Variants in NLN observed in about 807,000 individuals in gnomAD.
NLN encodes the protein neurolysin, also known as neurolysin, mitochondrial.
NLN carries 64 observed loss-of-function variants against 79.9 expected under a neutral mutation model. The ratio of observed to expected loss-of-function variants is 0.80; its 90% confidence interval spans 0.65 to 0.99. The LOEUF is 0.99. NLN is among the 50% of genes least tolerant of loss of function. NLN has a pLI of 0.00. For missense variants in NLN, 835 were observed against 858.7 expected (o/e 0.97, Z 0.34); for synonymous variants, 267 against 296.6 (o/e 0.90, Z 1.02).
chr5:65,733,477 T>A, intron 1 of NLN: 1 of 1,382,040 alleles, frequency 7.2e-7, no homozygotes, highest in Non-Finnish European at 1.0e-6. Context: ...CCTTCCCATC[T>A]GGAGAGTCTT....
chr5:65,758,943 A>G (rs753694485), intron 2 of NLN, 117 bp downstream of exon 2: 57 of 906,216 alleles, frequency 6.3e-5, no homozygotes, highest in Non-Finnish European at 8.4e-5. Context: ...ATTATAATTA[A>G]TTGCTTAGAA....
At chr5:65,781,697 T>A (rs918483704) in intron 6 of NLN, among the ~76,000 whole-genome samples, 21 of 152,168 alleles carry the variant, frequency 1.4e-4, no homozygotes, top group African/African-American at 5.1e-4. Flanking sequence ...CCAGCACTGG[T>A]AAGTCCTGCT....
intron 9 of NLN, among the ~76,000 whole-genome samples, chr5:65,796,859 A>G (rs1760183400): frequency 6.6e-6 from 1 of 152,238 alleles, no homozygotes; most frequent in South Asian, 2.1e-4. Context: ...TATTCAGTAC[A>G]TTGGTTTTAA....
At chr5:65,738,960 T>C in intron 1 of NLN, among the ~76,000 whole-genome samples, 1 of 89,250 alleles carries the variant, frequency 1.1e-5, no homozygotes, top group East Asian at 2.5e-4. Flanking sequence ...TTTATATATA[T>C]GTATATATAA....
chr5:65,768,973 G>A (rs1278960243), intron 3 of NLN, among the ~76,000 whole-genome samples: 1 of 152,274 alleles, frequency 6.6e-6, no homozygotes, highest in African/African-American at 2.4e-5. Context: ...CCATAGCGCA[G>A]AGCGTCTCCA....
chr5:65,819,017 AG>A (rs1037222898), intron 12 of NLN: 1 of 152,208 alleles, frequency 6.6e-6, no homozygotes, highest in Non-Finnish European at 1.5e-5. Flanking sequence ...ATTACCTGAA[AG>A]GGTGCATATT....
chr5:65,776,176 C>G (rs1409387138), intron 3 of NLN, among the ~76,000 whole-genome samples: 1 of 152,210 alleles, frequency 6.6e-6, no homozygotes, highest in East Asian at 1.9e-4. Flanking sequence ...TTGCTTGAAC[C>G]TGGGAGGCGG....
At chr5:65,772,467 A>C (rs1291396479) in intron 3 of NLN, among the ~76,000 whole-genome samples, 1 of 152,224 alleles carries the variant, frequency 6.6e-6, no homozygotes, top group African/African-American at 2.4e-5. Context: ...ATATTGAATT[A>C]GTAGTCAGCA....
intron 3 of NLN, among the ~76,000 whole-genome samples, chr5:65,772,903 G>A (rs566175060): frequency 1.3e-5 from 2 of 149,096 alleles, no homozygotes; most frequent in East Asian, 3.9e-4. Flanking sequence ...GCTATACTCT[G>A]TTATCCTATT....
intron 3 of NLN, among the ~76,000 whole-genome samples, chr5:65,769,648 C>T (rs1461211944): frequency 6.6e-6 from 1 of 152,194 alleles, no homozygotes; most frequent in African/African-American, 2.4e-5. Context: ...CTCTCCCTCC[C>T]AGTGTATGAC....
chr5:65,799,905 T>C (rs1370981954), intron 9 of NLN, among the ~76,000 whole-genome samples: 1 of 149,206 alleles, frequency 6.7e-6, no homozygotes, highest in Admixed American at 6.6e-5. Flanking sequence ...GTCTAGTAGA[T>C]AGTGGTCACT....
intron 12 of NLN, among the ~76,000 whole-genome samples, chr5:65,815,576 C>T (rs1760651886): frequency 6.6e-6 from 1 of 152,148 alleles, no homozygotes; most frequent in South Asian, 2.1e-4. Context: ...CCTTTCCTTT[C>T]AAATGCTCTG....
chr5:65,783,410 A>G (rs1759848296), intron 6 of NLN, among the ~76,000 whole-genome samples: 1 of 152,158 alleles, frequency 6.6e-6, no homozygotes, highest in Non-Finnish European at 1.5e-5. Context: ...GGTCATCTTC[A>G]GTTCACAGCC....
At chr5:65,729,382 T>C (rs1222910155) in intron 1 of NLN, among the ~76,000 whole-genome samples, 1 of 147,016 alleles carries the variant, frequency 6.8e-6, no homozygotes, top group Non-Finnish European at 1.5e-5. Flanking sequence ...TTTTTTTTTT[T>C]TTTTTTTTTT....
At position 65,804,690 on chromosome 5, in the gene NLN, A is replaced by C. The variant is rs1834968; in HGVS notation, c.1528-4825A>C. On this transcript the variant is annotated intron_variant, in intron 9 of 12. Coordinates refer to ENST00000380985, the MANE Select transcript of NLN (RefSeq NM_020726.5). The stretch of plus-strand genomic sequence containing the variant: ...ATTACAGGCACATACCACCACACCC[A>C]GCTAATTTTTTTTTGTATTTTTAGT... 2.1e-4 allele frequency among the ~76,000 whole-genome samples: 32 copies of C among 151,976 alleles called. No individual in the cohort carries two copies. In the East Asian group the frequency reaches 6.2e-3, roughly 29 times the overall value.
chr5:65,730,016 C>T (rs548970890), intron 1 of NLN, among the ~76,000 whole-genome samples: 2 of 152,314 alleles, frequency 1.3e-5, no homozygotes, highest in Admixed American at 6.5e-5. Flanking sequence ...TATCTGTTTC[C>T]TCCTCAGTAA....
chr5:65,764,389 T>A (rs1280571436), intron 3 of NLN, among the ~76,000 whole-genome samples: 2 of 152,190 alleles, frequency 1.3e-5, no homozygotes, highest in Non-Finnish European at 2.9e-5. Context: ...TAGCCAGGCA[T>A]GGTGGCAAGC....
chr5:65,727,099 G>A (rs981843258), intron 1 of NLN, among the ~76,000 whole-genome samples: 2 of 152,086 alleles, frequency 1.3e-5, no homozygotes, highest in Non-Finnish European at 2.9e-5. Context: ...TATAGTTGCT[G>A]TTCAATTCAC....
chr5:65,795,198 A>G (rs766224668), intron 9 of NLN, among the ~76,000 whole-genome samples: 5 of 151,848 alleles, frequency 3.3e-5, no homozygotes, highest in Admixed American at 6.6e-5. Flanking sequence ...TACCAAAAAT[A>G]AAAAAAATTA....
Sources: allele counts gnomAD v4.1 joint callset (sites outside exome capture counted in the v4.1 genomes callset), GRCh38; gene constraint gnomAD v4.1.1; transcripts MANE v1.5; gene names NCBI Gene and HGNC (gene_info 2026-07-23, HGNC 2026-07-21).